The following GALNT13 variants were observed in gnomAD, a reference collection of about 807,000 sequenced individuals.
GALNT13 encodes the protein polypeptide N-acetylgalactosaminyltransferase 13.
In GALNT13, 28 loss-of-function variants were observed where a neutral mutation model predicts 64.2. That is an observed-to-expected ratio of 0.44 (90% CI 0.32 to 0.60). The LOEUF (loss-of-function observed/expected upper bound fraction) is 0.60. GALNT13 is among the 20% of genes least tolerant of loss of function. The pLI, the probability that GALNT13 is intolerant of heterozygous loss-of-function variation, is 0.05. For synonymous variants in GALNT13, 214 were observed against 224.6 expected (o/e 0.95, Z 0.42); for missense variants, 577 against 669.8 (o/e 0.86, Z 1.53).
intron 3 of GALNT13, among the ~76,000 whole-genome samples, chr2:154,103,383 T>C (rs575911365): frequency 1.6e-4 from 24 of 152,330 alleles, no homozygotes; most frequent in Admixed American, 1.5e-3. Context: ...CTTTATATTA[T>C]GAATTGATTC....
intron 7 of GALNT13, among the ~76,000 whole-genome samples, chr2:154,254,990 A>G (rs1427338186): frequency 6.6e-6 from 1 of 152,186 alleles, no homozygotes; most frequent in Non-Finnish European, 1.5e-5. Context: ...TAATATTATA[A>G]TGGTATATTG....
chr2:153,400,175 G>A, the GALNT13 span, among the ~76,000 whole-genome samples: 2 of 151,598 alleles, frequency 1.3e-5, no homozygotes, highest in African/African-American at 4.9e-5. Context: ...TGCATCTATT[G>A]AGATAATCAT....
chr2:153,591,812 TAAAAA>T, the GALNT13 span, among the ~76,000 whole-genome samples: 1 of 151,772 alleles, frequency 6.6e-6, no homozygotes, highest in Non-Finnish European at 1.5e-5. Context: ...GCAATAAAAA[TAAAAA>T]CAGACAAATG....
chr2:154,075,976 T>C (rs969064633), intron 3 of GALNT13, among the ~76,000 whole-genome samples: 5 of 151,636 alleles, frequency 3.3e-5, no homozygotes, highest in Non-Finnish European at 7.4e-5. Flanking sequence ...TTTGAAATAA[T>C]GTACCGGTCA....
chr2:153,212,366 A>G, the GALNT13 span, among the ~76,000 whole-genome samples: 188 of 152,262 alleles, frequency 1.2e-3, no homozygotes, highest in African/African-American at 4.1e-3. Context: ...TAATTCTTTA[A>G]TTATTCTACA....
chr2:154,437,581 G>T, intron 11 of GALNT13: 2 of 1,279,154 alleles, frequency 1.6e-6, no homozygotes, highest in South Asian at 1.2e-5. Flanking sequence ...ATGAGGCTGG[G>T]CATGGCGGCT....
At chr2:154,013,665 C>A in intron 3 of GALNT13, among the ~76,000 whole-genome samples, 1 of 152,096 alleles carries the variant, frequency 6.6e-6, no homozygotes, top group Non-Finnish European at 1.5e-5. Flanking sequence ...CAGTTGCACC[C>A]ACCGCTGTGC....
chr2:153,629,299 G>C, the GALNT13 span, among the ~76,000 whole-genome samples: 1 of 151,578 alleles, frequency 6.6e-6, no homozygotes, highest in African/African-American at 2.4e-5. Flanking sequence ...CCAAAACAGA[G>C]ATATAGATCA....
upstream of GALNT13, among the ~76,000 whole-genome samples, chr2:153,867,417 C>T (rs996553305): frequency 7.2e-5 from 11 of 152,046 alleles, no homozygotes; most frequent in Admixed American, 1.3e-4. Flanking sequence ...CAACTCTTAG[C>T]CTATTTCAAT....
the GALNT13 span, among the ~76,000 whole-genome samples, chr2:153,276,391 T>C: frequency 6.6e-6 from 1 of 152,122 alleles, no homozygotes; most frequent in African/African-American, 2.4e-5. Flanking sequence ...TTAATAACTT[T>C]AGCTTTAAAC....
At chr2:153,690,793 C>T in the GALNT13 span, among the ~76,000 whole-genome samples, 5 of 152,122 alleles carry the variant, frequency 3.3e-5, no homozygotes, top group African/African-American at 1.2e-4. Context: ...GTCTCAAAAA[C>T]AGGCTTGGCT....
the GALNT13 span, among the ~76,000 whole-genome samples, chr2:153,468,946 G>A: frequency 2.6e-5 from 4 of 152,006 alleles, no homozygotes; most frequent in Admixed American, 6.6e-5. Flanking sequence ...AAAAACTATC[G>A]CTGAGTAATA....
intron 3 of GALNT13, among the ~76,000 whole-genome samples, chr2:154,092,648 T>C (rs1029828568): frequency 2.0e-5 from 3 of 152,048 alleles, no homozygotes; most frequent in Non-Finnish European, 1.5e-5. Flanking sequence ...TAACCAGGAA[T>C]GTACTTAGGG....
At chr2:153,774,003 A>G in the GALNT13 span, among the ~76,000 whole-genome samples, 1 of 152,174 alleles carries the variant, frequency 6.6e-6, no homozygotes, top group Non-Finnish European at 1.5e-5. Flanking sequence ...ACTGATATAT[A>G]TTGATATAAT....
chr2:154,107,170 G>C (rs1470039425), intron 3 of GALNT13, among the ~76,000 whole-genome samples: 1 of 152,120 alleles, frequency 6.6e-6, no homozygotes, highest in Non-Finnish European at 1.5e-5. Context: ...CATGTATCTT[G>C]TGCAGCATAC....
chr2:154,166,569 C>T (rs1447052235), intron 4 of GALNT13, among the ~76,000 whole-genome samples: 1 of 152,176 alleles, frequency 6.6e-6, no homozygotes, highest in Non-Finnish European at 1.5e-5. Flanking sequence ...GACAGTGTGG[C>T]AATTCCTCAA....
At chr2:153,229,813 A>G in the GALNT13 span, among the ~76,000 whole-genome samples, 7 of 152,314 alleles carry the variant, frequency 4.6e-5, no homozygotes, top group African/African-American at 1.7e-4. Context: ...GTGTCATTCA[A>G]CAGAGAAAAG....
At chr2:153,146,972 T>TCG in the GALNT13 span, among the ~76,000 whole-genome samples, 1 of 151,860 alleles carries the variant, frequency 6.6e-6, no homozygotes, top group South Asian at 2.1e-4. Context: ...CTTACTATTT[T>TCG]CACTTTATTC....
chr2:153,409,693 C>G, the GALNT13 span, among the ~76,000 whole-genome samples: 1 of 151,522 alleles, frequency 6.6e-6, no homozygotes, highest in Non-Finnish European at 1.5e-5. Flanking sequence ...GTGAGAAAGG[C>G]TAAACTAAGA....
Sources: allele counts gnomAD v4.1 joint callset (sites outside exome capture counted in the v4.1 genomes callset), GRCh38; gene constraint gnomAD v4.1.1; transcripts MANE v1.5; gene names NCBI Gene and HGNC (gene_info 2026-07-23, HGNC 2026-07-21).